OCLN: variants seen among roughly 807,000 people sequenced by gnomAD.
OCLN encodes occludin.
In OCLN, 21 loss-of-function variants were observed where a neutral mutation model predicts 47.9. That is an observed-to-expected ratio of 0.44 (90% CI 0.31 to 0.63). The LOEUF (loss-of-function observed/expected upper bound fraction) is 0.63, where lower values mean the gene tolerates loss of function less well. Among genes scored for constraint, OCLN ranks in the 30% least tolerant of loss-of-function variants. The probability of loss-of-function intolerance (pLI) is 0.08; values close to 1 mark genes in which losing one functional copy is unlikely to be tolerated. For synonymous variants in OCLN, 117 were observed against 198.4 expected, an observed-to-expected ratio of 0.59 and a Z score of 3.45; for missense variants, 360 against 571.0, an observed-to-expected ratio of 0.63 and a Z score of 3.77.
At chr5:69,505,413 A>G (rs565785185) in intron 2 of OCLN, among the ~76,000 whole-genome samples, 37 of 152,332 alleles carry the variant, frequency 2.4e-4, no homozygotes, top group African/African-American at 8.2e-4. Context: ...TACTCTCCAA[A>G]GAAACCTATC....
At chr5:69,498,198 A>G (rs1010779958) in intron 1 of OCLN, among the ~76,000 whole-genome samples, 7 of 152,322 alleles carry the variant, frequency 4.6e-5, no homozygotes, top group Non-Finnish European at 7.3e-5. Flanking sequence ...TGACTTTTTA[A>G]AAATTCAGTT....
At chr5:69,536,670 C>CAAA (rs941265818) in intron 5 of OCLN, among the ~76,000 whole-genome samples, 1 of 147,342 alleles carries the variant, frequency 6.8e-6, no homozygotes, top group African/African-American at 2.6e-5. Flanking sequence ...AACTCTGTCT[C>CAAA]AAAAAAAAAA....
At chr5:69,508,102 C>T (rs962676553) in intron 2 of OCLN, among the ~76,000 whole-genome samples, 4 of 152,104 alleles carry the variant, frequency 2.6e-5, no homozygotes, top group Admixed American at 6.5e-5. Flanking sequence ...TGGGTGTGAT[C>T]GCAGCTCACT....
chr5:69,512,549 T>C (rs1768817253), intron 3 of OCLN, among the ~76,000 whole-genome samples: 1 of 152,200 alleles, frequency 6.6e-6, no homozygotes, highest in Non-Finnish European at 1.5e-5. Flanking sequence ...CATTTCCATA[T>C]GGATTTTAAG....
chr5:69,499,877 G>A (rs900957776), intron 1 of OCLN, among the ~76,000 whole-genome samples: 3 of 152,130 alleles, frequency 2.0e-5, no homozygotes, highest in South Asian at 2.1e-4. Flanking sequence ...GAACCACTGC[G>A]CCCAGCTCTT....
At chr5:69,505,716 G>A (rs920579514) in intron 2 of OCLN, among the ~76,000 whole-genome samples, 4 of 152,134 alleles carry the variant, frequency 2.6e-5, no homozygotes, top group African/African-American at 9.7e-5. Flanking sequence ...CATTGATAGG[G>A]ATTTCCTCCT....
At chr5:69,504,010 G>A (rs993235666) in intron 1 of OCLN, among the ~76,000 whole-genome samples, 167 bp from the exon 2 acceptor site, 3 of 152,046 alleles carry the variant, frequency 2.0e-5, no homozygotes, top group Non-Finnish European at 4.4e-5. Context: ...TGAGGTAGGA[G>A]GAGTACTTGA....
intron 1 of OCLN, among the ~76,000 whole-genome samples, chr5:69,503,901 G>C (rs919863960): frequency 2.0e-5 from 3 of 152,040 alleles, no homozygotes; most frequent in Non-Finnish European, 4.4e-5. Context: ...ACTTTCAAAA[G>C]TAATATGAAA....
intron 4 of OCLN, among the ~76,000 whole-genome samples, chr5:69,517,741 AC>A (rs1346939236): frequency 1.3e-5 from 2 of 152,168 alleles, no homozygotes; most frequent in African/African-American, 2.4e-5. Context: ...GTATGTATTC[AC>A]CACTGAGACG....
At chr5:69,523,062 A>T (rs1276154507) in intron 4 of OCLN, among the ~76,000 whole-genome samples, 1 of 151,914 alleles carries the variant, frequency 6.6e-6, no homozygotes, top group Non-Finnish European at 1.5e-5. Flanking sequence ...ATCCTACATT[A>T]GTGTGGTGCA....
At chr5:69,525,486 T>G in intron 4 of OCLN, among the ~76,000 whole-genome samples, 1 of 152,222 alleles carries the variant, frequency 6.6e-6, no homozygotes, top group East Asian at 1.9e-4. Flanking sequence ...GTGTTAGACT[T>G]TATAATATTT....
At chr5:69,535,798 AC>A (rs1769566108) in intron 5 of OCLN, among the ~76,000 whole-genome samples, 1 of 151,670 alleles carries the variant, frequency 6.6e-6, no homozygotes, top group South Asian at 2.1e-4. Flanking sequence ...ATATCTAAAC[AC>A]AAAAAAGGTA....
chr5:69,523,334 A>T (rs900074743), intron 4 of OCLN, among the ~76,000 whole-genome samples: 3 of 152,114 alleles, frequency 2.0e-5, no homozygotes, highest in African/African-American at 7.2e-5. Context: ...CTATTAAGCC[A>T]TTTTCTAACA....
At chr5:69,506,386 G>C (rs1043995015) in intron 2 of OCLN, among the ~76,000 whole-genome samples, 6 of 152,170 alleles carry the variant, frequency 3.9e-5, no homozygotes, top group African/African-American at 1.4e-4. Flanking sequence ...AGCCCTCCCT[G>C]GTTGTGCCAC....
chr5:69,522,935 C>T (rs1250404702), intron 4 of OCLN, among the ~76,000 whole-genome samples: 1 of 126,766 alleles, frequency 7.9e-6, no homozygotes, highest in Non-Finnish European at 1.6e-5. Context: ...GCTATGTCGC[C>T]CAGGCTATTC....
intron 1 of OCLN, among the ~76,000 whole-genome samples, chr5:69,495,024 C>A (rs1404515909): frequency 6.6e-6 from 1 of 152,098 alleles, no homozygotes. Flanking sequence ...AGGTAAAATT[C>A]TTGTTTTCTT....
intron 2 of OCLN, among the ~76,000 whole-genome samples, chr5:69,507,103 A>G (rs559615831): frequency 3.0e-4 from 46 of 152,272 alleles, no homozygotes; most frequent in African/African-American, 9.6e-4. Context: ...ATCATCTTGT[A>G]TATCCTAAAC....
intron 4 of OCLN, chr5:69,530,613 A>C (rs944276547): frequency 6.6e-6 from 1 of 152,236 alleles, no homozygotes; most frequent in Non-Finnish European, 1.5e-5. Context: ...GGATTTAAAA[A>C]AAAAAATGGA....
chr5:69,502,599 TA>T (rs1175127604), intron 1 of OCLN: 10 of 152,248 alleles, frequency 6.6e-5, no homozygotes, highest in African/African-American at 2.4e-4. Flanking sequence ...CCTACTCTAC[TA>T]ATCACTGGTA....
Sources: allele counts gnomAD v4.1 joint callset (sites outside exome capture counted in the v4.1 genomes callset), GRCh38; gene constraint gnomAD v4.1.1; transcripts MANE v1.5; gene names NCBI Gene and HGNC (gene_info 2026-07-23, HGNC 2026-07-21).